BMPR2: variants seen among roughly 807,000 people sequenced by gnomAD.
The protein encoded by BMPR2 is bone morphogenetic protein receptor type-2.
In BMPR2, 29 loss-of-function variants were observed where a neutral mutation model predicts 100.8. The observed-to-expected ratio is 0.29, with a 90% CI of 0.21 to 0.39. The LOEUF (loss-of-function observed/expected upper bound fraction) is 0.39. Ranked by LOEUF, BMPR2 falls within the 10% of genes least tolerant of loss-of-function variation. The probability of loss-of-function intolerance (pLI) is 1.00; values close to 1 mark genes in which losing one functional copy is unlikely to be tolerated. For synonymous variants in BMPR2, 382 were observed against 442.3 expected (o/e 0.86, Z 1.71); for missense variants, 1,011 against 1,274.5 (o/e 0.79, Z 3.15).
At chr2:202,402,760 G>A (rs570240488) in intron 1 of BMPR2, among the ~76,000 whole-genome samples, 1 of 151,468 alleles carries the variant, frequency 6.6e-6, no homozygotes, top group Non-Finnish European at 1.5e-5. Flanking sequence ...TCCGCCTCCT[G>A]GGTTCAAGCT....
intron 7 of BMPR2, among the ~76,000 whole-genome samples, chr2:202,528,173 C>T (rs1344453936): frequency 1.3e-5 from 2 of 152,116 alleles, no homozygotes; most frequent in African/African-American, 2.4e-5. Context: ...AGCAACAGAA[C>T]GAGACCCTGT....
At chr2:202,537,365 G>A (rs921159520) in intron 9 of BMPR2, among the ~76,000 whole-genome samples, 1 of 152,192 alleles carries the variant, frequency 6.6e-6, no homozygotes, top group Non-Finnish European at 1.5e-5. Context: ...TTCAAAGAAT[G>A]ACTATCGCTT....
At chr2:202,399,209 G>T (rs761104104) in intron 1 of BMPR2, among the ~76,000 whole-genome samples, 5 of 152,140 alleles carry the variant, frequency 3.3e-5, no homozygotes, top group Non-Finnish European at 5.9e-5. Context: ...ATGCCACAGG[G>T]CTATATTAGA....
At chr2:202,432,325 C>G (rs1010800772) in intron 1 of BMPR2, among the ~76,000 whole-genome samples, 1 of 150,454 alleles carries the variant, frequency 6.6e-6, no homozygotes, top group Non-Finnish European at 1.5e-5. Context: ...TATTCCTTGC[C>G]GGTTATTTGA....
chr2:202,514,090 A>T (rs1318211981), intron 4 of BMPR2, among the ~76,000 whole-genome samples: 1 of 151,952 alleles, frequency 6.6e-6, no homozygotes, highest in East Asian at 1.9e-4. Flanking sequence ...ATATATCTAT[A>T]AATATTATCT....
intron 1 of BMPR2, among the ~76,000 whole-genome samples, chr2:202,461,101 C>T (rs1692216121): frequency 6.6e-6 from 1 of 152,160 alleles, no homozygotes; most frequent in Admixed American, 6.6e-5. Context: ...GCCTCAGCCT[C>T]CCAAAGTGTT....
rs564341231 is a variant in BMPR2, at chr2:202,466,692, ACCTTGAC to A, written c.248-825_248-819del. 2.2e-3 allele frequency among the ~76,000 whole-genome samples: 331 copies of A among 151,820 alleles called. 1 individual carries two copies. The highest frequency in any genetic ancestry group is 7.8e-3 in the African/African-American group (321 of 41,384). On this transcript the variant is annotated intron_variant, in intron 2 of 12. Transcript: ENST00000374580. ...AGTGGCACATTCATGGCTCACTGCAACCTTGACCTCCTGGGCTCAAGCAATCCCCCCA... is the reference window on the plus strand; with the variant it reads ...AGTGGCACATTCATGGCTCACTGCAACTCCTGGGCTCAAGCAATCCCCCCA...
intron 1 of BMPR2, among the ~76,000 whole-genome samples, chr2:202,393,874 T>TGAGAGAGCGAGAGCGAGAGAGC (rs1559024287): frequency 1.3e-5 from 1 of 76,650 alleles, no homozygotes; most frequent in African/African-American, 5.0e-5. Context: ...ATTAAGGTAA[T>TGAGAGAGCGAGAGCGAGAGAGC]GAGAGAGCGA....
intron 1 of BMPR2, among the ~76,000 whole-genome samples, chr2:202,389,960 C>T (rs569543845): frequency 1.9e-4 from 27 of 145,374 alleles, no homozygotes; most frequent in African/African-American, 6.1e-4. Context: ...GGTTTTTAAA[C>T]GATGATGATG....
At chr2:202,516,214 G>A (rs1687707633) in intron 5 of BMPR2, among the ~76,000 whole-genome samples, 1 of 152,140 alleles carries the variant, frequency 6.6e-6, no homozygotes, top group African/African-American at 2.4e-5. Flanking sequence ...AGATGTGATA[G>A]ATTTGACTAT....
intron 9 of BMPR2, among the ~76,000 whole-genome samples, chr2:202,538,014 C>T (rs1688195895): frequency 6.6e-6 from 1 of 152,066 alleles, no homozygotes; most frequent in South Asian, 2.1e-4. Flanking sequence ...CCCAGCTACT[C>T]AGGAGGCTGA....
chr2:202,515,879 G>A (rs561169758), intron 5 of BMPR2, among the ~76,000 whole-genome samples: 19 of 152,046 alleles, frequency 1.2e-4, no homozygotes, highest in Middle Eastern at 3.4e-3. Flanking sequence ...GCAGGAATCC[G>A]TCTCAAAAAA....
chr2:202,473,663 C>T (rs777069739), intron 3 of BMPR2, among the ~76,000 whole-genome samples: 5 of 151,738 alleles, frequency 3.3e-5, no homozygotes, highest in African/African-American at 4.8e-5. Context: ...TGGTAGTGGG[C>T]GCCTGTAATC....
At chr2:202,470,060 G>A (rs1237955460) in intron 3 of BMPR2, among the ~76,000 whole-genome samples, 1 of 152,092 alleles carries the variant, frequency 6.6e-6, no homozygotes, top group Non-Finnish European at 1.5e-5. Flanking sequence ...AAAATAAGTT[G>A]AGGCTGGGTG....
In BMPR2 at chr2:202,503,216, G is replaced by A. The variant is rs1687440397; in HGVS notation, c.419-10503G>A. ...TTAGAGGGGGGATTGAGAGGTAACA[G>A]CGTGCTGGCAGTCCTCACAGCCCTC... On this transcript the variant is annotated intron_variant, in intron 3 of 12. Transcript: ENST00000374580. This position sits in a 1 kb window ranked among gnomAD's most constrained non-coding sequence, Gnocchi z 4.0. Among the ~76,000 whole-genome samples the A allele has an allele frequency of 6.6e-6, 1 of 152,230 alleles. No individual in the cohort carries two copies. The highest frequency in any genetic ancestry group is 2.4e-5 in the African/African-American group (1 of 41,472).
intron 3 of BMPR2, among the ~76,000 whole-genome samples, chr2:202,486,952 C>T (rs149852287): frequency 3.3e-5 from 5 of 152,206 alleles, no homozygotes; most frequent in African/African-American, 1.2e-4. Context: ...ATCACCTGAG[C>T]CCCAGGGAGA....
rs1055203662 is a variant in BMPR2, at chr2:202,532,003, G to A, written c.1129-582G>A. Among the ~76,000 whole-genome samples, 2 of 138,670 alleles carry A rather than the reference G, an allele frequency of 1.4e-5. No individual in the cohort carries two copies. The highest frequency in any genetic ancestry group is 3.0e-5 in the Non-Finnish European group (2 of 65,848). The allele number at this position is 138,670 out of a possible 152,430, so 91.0% of individuals were successfully genotyped here. ...CACCCAGGCTGGAGTGCAGTGGCGCGATCATGGCTCACTGCAAGCTCCATC... is the reference window on the plus strand; with the variant it reads ...CACCCAGGCTGGAGTGCAGTGGCGCAATCATGGCTCACTGCAAGCTCCATC... On this transcript the variant is annotated intron_variant, in intron 8 of 12. Transcript: ENST00000374580. This position sits in a 1 kb window ranked among gnomAD's most constrained non-coding sequence, Gnocchi z 4.1.
chr2:202,525,209 G>A (rs1390141925), intron 7 of BMPR2, among the ~76,000 whole-genome samples: 1 of 151,752 alleles, frequency 6.6e-6, no homozygotes, highest in African/African-American at 2.4e-5. Flanking sequence ...GAGTTTTGTT[G>A]TTGTTGTTTT....
At chr2:202,506,474 TG>T (rs1194526228) in intron 3 of BMPR2, among the ~76,000 whole-genome samples, 1 of 152,172 alleles carries the variant, frequency 6.6e-6, no homozygotes, top group Non-Finnish European at 1.5e-5. Flanking sequence ...TGTTTTGTTT[TG>T]TTTTTTTATA....
Sources: gnomAD v4.1 joint callset for allele counts (sites outside exome capture counted in the v4.1 genomes callset) on GRCh38, gnomAD v4.1.1 for gene constraint, Gnocchi (gnomAD v3.1) non-coding constraint, MANE v1.5 for transcripts, NCBI Gene and HGNC (gene_info 2026-07-23, HGNC 2026-07-21) for gene names.